Variants in LAMA2 observed in about 807,000 individuals in gnomAD.
The protein encoded by LAMA2 is laminin subunit alpha-2.
A neutral mutation model predicts 364.8 loss-of-function variants in LAMA2; 269 were observed. The observed-to-expected ratio is 0.74, with a 90% CI of 0.67 to 0.82. The LOEUF (loss-of-function observed/expected upper bound fraction) is 0.82, where lower values mean the gene tolerates loss of function less well. LAMA2 is among the 40% of genes least tolerant of loss of function. The pLI, the probability that LAMA2 is intolerant of heterozygous loss-of-function variation, is 0.00. For synonymous variants in LAMA2, 1,379 were observed against 1,370.6 expected (o/e 1.01, Z -0.14); for missense variants, 3,807 against 3,873.2 (o/e 0.98, Z 0.45).
chr6:129,330,833 A>G (rs897817666), intron 29 of LAMA2, among the ~76,000 whole-genome samples: 7 of 151,480 alleles, frequency 4.6e-5, no homozygotes, highest in Non-Finnish European at 1.0e-4. Flanking sequence ...AGTGAACTCC[A>G]ACACTGTGAG....
At chr6:129,004,578 A>G (rs2114681433) in intron 1 of LAMA2, among the ~76,000 whole-genome samples, 1 of 152,296 alleles carries the variant, frequency 6.6e-6, no homozygotes, top group South Asian at 2.1e-4. Context: ...CTGCTAAATG[A>G]TCACAGCCTA....
chr6:128,982,578 G>A (rs776577352), intron 1 of LAMA2, among the ~76,000 whole-genome samples: 4 of 151,406 alleles, frequency 2.6e-5, no homozygotes, highest in Non-Finnish European at 5.9e-5. Flanking sequence ...TTTTTTACCA[G>A]TTTTTTTCCA....
chr6:129,361,287 A>G (rs1226205921), intron 32 of LAMA2, among the ~76,000 whole-genome samples: 2 of 152,226 alleles, frequency 1.3e-5, no homozygotes, highest in Admixed American at 6.5e-5. Flanking sequence ...TCCTAATAAA[A>G]TTATAATTGT....
chr6:129,249,004 T>C (rs1429150840), intron 12 of LAMA2, among the ~76,000 whole-genome samples: 1 of 152,138 alleles, frequency 6.6e-6, no homozygotes, highest in Non-Finnish European at 1.5e-5. Context: ...TAGAGCCCCA[T>C]GTAATGAGCT....
chr6:129,439,525 C>T (rs1781995731), intron 42 of LAMA2, among the ~76,000 whole-genome samples: 1 of 152,018 alleles, frequency 6.6e-6, no homozygotes, highest in Non-Finnish European at 1.5e-5. Flanking sequence ...TGCATTCTCT[C>T]TTGATAAAAT....
rs929135158 is a variant in LAMA2, at chr6:128,924,235, T to C, written c.112+40878T>C. ...ATACACACACACACATATGTATTTA[T>C]GTGTGATGTATGTATACATAGCTAT... On this transcript the variant is annotated intron_variant, in intron 1 of 64. Coordinates refer to ENST00000421865, the MANE Select transcript of LAMA2 (RefSeq NM_000426.4). Among the ~76,000 whole-genome samples the C allele has an allele frequency of 2.6e-5, 4 of 152,296 alleles. No homozygotes were observed. In the East Asian group the frequency reaches 7.7e-4, roughly 29 times the overall value.
intron 43 of LAMA2, 29 bp from the exon 44 acceptor site, chr6:129,443,034 G>C: frequency 7.8e-6 from 12 of 1,540,348 alleles, no homozygotes; most frequent in Non-Finnish European, 1.1e-5. Context: ...ATTTTTTTTT[G>C]TTTTGCTTCC....
At position 129,314,695 on chromosome 6, in the gene LAMA2, G is replaced by A. The variant is rs868726270; in HGVS notation, c.3452G>A (p.Gly1151Asp). The stretch of plus-strand genomic sequence containing the variant: ...ATCCACTGTGACAGATGCCGGCCTG[G>A]CAAATTCGGACTCGATGCCAAGAAT... ...EGIHCDRCRP[G>D]KFGLDAKNPL... Residue 1151 changes from glycine to aspartate, a missense_variant, in exon 24 of 65, where the codon GGC (glycine) becomes GAC (aspartate). Transcript: ENST00000421865. 1 of 1,613,634 alleles carries A rather than the reference G, an allele frequency of 6.2e-7. No individual in the cohort carries two copies. Among genetic ancestry groups the A allele is most frequent in the Non-Finnish European group, 8.5e-7 (1 of 1,180,010 alleles).
Position 129,037,855 on chromosome 6 carries a change from GA to G in LAMA2, c.113-12062del, listed in dbSNP as rs374240570. Reference sequence around the variant, plus strand: ...TGGCTAATTTTTTGTATTTTTAGTAGAGACAGGGTTTCACCGTGTTAGCCAG... The same window carrying G: ...TGGCTAATTTTTTGTATTTTTAGTAGGACAGGGTTTCACCGTGTTAGCCAG... On this transcript the variant is annotated intron_variant, in intron 1 of 64. Transcript: ENST00000421865. 2.0e-4 allele frequency among the ~76,000 whole-genome samples: 31 copies of G among 152,074 alleles called. No individual in the cohort carries two copies. The East Asian group carries it at 4.5e-3, about 22-fold the overall frequency.
At chr6:129,283,066 T>C (rs1001300056) in intron 18 of LAMA2, among the ~76,000 whole-genome samples, 20 of 152,068 alleles carry the variant, frequency 1.3e-4, no homozygotes, top group Non-Finnish European at 2.9e-4. Context: ...TTGGAAAACA[T>C]TCACTTAGGG....
intron 44 of LAMA2, 63 bp downstream of exon 44, chr6:129,443,131 A>T: frequency 4.7e-6 from 6 of 1,286,876 alleles, no homozygotes; most frequent in Non-Finnish European, 6.6e-6. Context: ...TATTGCAAAA[A>T]GTTTCAGCTT....
At position 129,464,451 on chromosome 6, in the gene LAMA2, T is replaced by C. The variant is rs1453457122; in HGVS notation, c.7154T>C (p.Leu2385Pro). 1 of 1,610,900 alleles carries C rather than the reference T, an allele frequency of 6.2e-7. No homozygotes were observed. The highest frequency in any genetic ancestry group is 8.5e-7 in the Non-Finnish European group (1 of 1,177,572). The change falls in exon 50 of 65, where the codon CTG becomes CCG. Residue 2385 changes from leucine to proline, a missense_variant and splice_region_variant. Physicochemically the swap from Leu to Pro is moderately conservative, Grantham distance 98. Transcript: ENST00000421865. ...CTGATGTATCTTGCCACACGAGACC[T>C]GGTAAAGATCATATGCATAGCAGAG... ...ALLMYLATRD[L>P]RDFMSVELTD...
intron 3 of LAMA2, among the ~76,000 whole-genome samples, chr6:129,075,493 T>C (rs1179346277): frequency 6.6e-6 from 1 of 152,200 alleles, no homozygotes; most frequent in Non-Finnish European, 1.5e-5. Flanking sequence ...TGGAGAATGA[T>C]TATAGTGAGA....
At chr6:129,389,567 T>A (rs530732450) in intron 35 of LAMA2, among the ~76,000 whole-genome samples, 3 of 152,312 alleles carry the variant, frequency 2.0e-5, no homozygotes, top group South Asian at 2.1e-4. Context: ...CTTCTCACGC[T>A]GCTATAAAGA....
At chr6:129,432,637 G>A (rs1039706821) in intron 41 of LAMA2, among the ~76,000 whole-genome samples, 5 of 152,094 alleles carry the variant, frequency 3.3e-5, no homozygotes, top group African/African-American at 1.2e-4. Context: ...AGGGATGGTG[G>A]GGCCTGTGTT....
intron 32 of LAMA2, among the ~76,000 whole-genome samples, chr6:129,354,369 A>C (rs1777035890): frequency 1.3e-5 from 2 of 152,124 alleles, no homozygotes; most frequent in Non-Finnish European, 2.9e-5. Flanking sequence ...AAAATGTATT[A>C]CACTGAAAAT....
chr6:129,027,013 A>G (rs923822611), intron 1 of LAMA2, among the ~76,000 whole-genome samples: 4 of 152,134 alleles, frequency 2.6e-5, no homozygotes, highest in Non-Finnish European at 5.9e-5. Context: ...ACAGAAAACT[A>G]GTATTCAATG....
chr6:129,480,847 T>C (rs1490251988), intron 54 of LAMA2, among the ~76,000 whole-genome samples: 2 of 152,150 alleles, frequency 1.3e-5, no homozygotes, highest in Non-Finnish European at 2.9e-5. Context: ...AATTAAGTGA[T>C]AGAGTTTATT....
chr6:129,461,334 G>T (rs1034968408), intron 49 of LAMA2, among the ~76,000 whole-genome samples: 2 of 151,932 alleles, frequency 1.3e-5, no homozygotes, highest in Non-Finnish European at 2.9e-5. Flanking sequence ...GCCCCAAAAT[G>T]TTATCCCTCT....
Sources: gnomAD v4.1 joint callset for allele counts (sites outside exome capture counted in the v4.1 genomes callset) on GRCh38, gnomAD v4.1.1 for gene constraint, MANE v1.5 for transcripts, NCBI Gene and HGNC (gene_info 2026-07-23, HGNC 2026-07-21) for gene names.